Variants in PIEZO2 observed in about 807,000 individuals in gnomAD.
PIEZO2 encodes piezo type mechanosensitive ion channel component 2, also known as piezo-type mechanosensitive ion channel component 2.
PIEZO2 carries 172 observed loss-of-function variants against 337.3 expected under a neutral mutation model. The observed-to-expected ratio is 0.51, with a 90% CI of 0.45 to 0.58. The LOEUF is 0.58. Among genes scored for constraint, PIEZO2 ranks in the 20% least tolerant of loss-of-function variants. The probability of loss-of-function intolerance (pLI) is 0.00; values close to 1 mark genes in which losing one functional copy is unlikely to be tolerated. For missense variants in PIEZO2, 3,028 were observed against 3,391.3 expected, an observed-to-expected ratio of 0.89 and a Z score of 2.66; for synonymous variants, 1,251 against 1,228.5, an observed-to-expected ratio of 1.02 and a Z score of -0.38.
intron 7 of PIEZO2, among the ~76,000 whole-genome samples, chr18:10,852,754 A>G (rs1407752665): frequency 6.6e-6 from 1 of 152,206 alleles, no homozygotes; most frequent in Non-Finnish European, 1.5e-5. Flanking sequence ...CACAGCAGAG[A>G]GAATTCTGGC....
Position 11,080,969 on chromosome 18 carries a change from T to C in PIEZO2, c.65-14747A>G, listed in dbSNP as rs546569400. 6.6e-6 allele frequency among the ~76,000 whole-genome samples: 1 copy of C among 152,350 alleles called. No individual in the cohort carries two copies. The highest frequency in any genetic ancestry group is 1.9e-4 in the East Asian group (1 of 5,184). On this transcript the variant is annotated intron_variant, in intron 1 of 55. Coordinates refer to ENST00000674853, the MANE Select transcript of PIEZO2 (RefSeq NM_001378183.1). This position sits in a 1 kb window ranked among gnomAD's most constrained non-coding sequence, Gnocchi z 5.4. ...ATTGGTTATTCTGCAACATACCATC[T>C]GGCTAACATAATGACATGGCTACAA...
At chr18:10,892,869 A>G (rs2042796005) in intron 4 of PIEZO2, among the ~76,000 whole-genome samples, 1 of 152,266 alleles carries the variant, frequency 6.6e-6, no homozygotes, top group African/African-American at 2.4e-5. Context: ...GTAAATATGT[A>G]GCTGTTGAAA....
Position 10,746,212 on chromosome 18 carries a change from T to C in PIEZO2, c.4425-1981A>G, listed in dbSNP as rs1481850656. On this transcript the variant is annotated intron_variant, in intron 30 of 55. Transcript: ENST00000674853. This position sits in a 1 kb window ranked among gnomAD's most constrained non-coding sequence, Gnocchi z 4.2. The stretch of plus-strand genomic sequence containing the variant: ...CTGAAATGCAAACACGTCATATTAC[T>C]TGCTTGTTTAAACACTGCAAGGCCT... 4.6e-5 allele frequency among the ~76,000 whole-genome samples: 7 copies of C among 152,214 alleles called. No individual in the cohort carries two copies. The highest frequency in any genetic ancestry group is 7.3e-5 in the Non-Finnish European group (5 of 68,046).
chr18:10,968,195 T>TCAAACAGG (rs753270707), intron 3 of PIEZO2, among the ~76,000 whole-genome samples: 11 of 152,210 alleles, frequency 7.2e-5, no homozygotes, highest in Non-Finnish European at 1.6e-4. Flanking sequence ...GCACCATTTG[T>TCAAACAGG]CAAACAGGGT....
rs1338062342 is a variant in PIEZO2, at chr18:11,001,703, C to A, written c.161-22043G>T. ...GACCAACCTGGCTAACATGGTAAAA[C>A]CCTGTCTCTGCTAAAAATACAAAAA... On this transcript the variant is annotated intron_variant, in intron 2 of 55. Coordinates refer to ENST00000674853, the MANE Select transcript of PIEZO2 (RefSeq NM_001378183.1). This position sits in a 1 kb window ranked among gnomAD's most constrained non-coding sequence, Gnocchi z 5.3. Among the ~76,000 whole-genome samples the A allele has an allele frequency of 1.3e-5, 2 of 151,892 alleles. No individual in the cohort carries two copies. The highest frequency in any genetic ancestry group is 4.8e-5 in the African/African-American group (2 of 41,340).
intron 1 of PIEZO2, among the ~76,000 whole-genome samples, chr18:11,085,329 C>T (rs540025335): frequency 6.6e-5 from 10 of 152,246 alleles, no homozygotes; most frequent in South Asian, 2.1e-4. Flanking sequence ...CCATCTCTCA[C>T]GCATCAGGCC....
Position 10,857,154 on chromosome 18 carries a change from C to T in PIEZO2, c.550G>A (p.Gly184Arg). Residue 184 changes from glycine to arginine, a missense_variant, in exon 6 of 56, where the codon GGA (glycine) becomes AGA (arginine). By Grantham distance (125) the Gly-to-Arg change is moderately radical. Transcript: ENST00000674853. ...EALIYEEDFN[G>R]GDGVEGELEE... ...AACTCGCCTTCAACACCATCTCCTC[C>T]ATTGAAATCCTCTTCATAGATCAGT... 1 of 1,537,892 alleles carries T rather than the reference C, an allele frequency of 6.5e-7. No individual in the cohort carries two copies. The highest frequency in any genetic ancestry group is 8.7e-7 in the Non-Finnish European group (1 of 1,147,056).
At chr18:11,007,119 T>G (rs1252320426) in intron 2 of PIEZO2, among the ~76,000 whole-genome samples, 1 of 152,214 alleles carries the variant, frequency 6.6e-6, no homozygotes, top group Non-Finnish European at 1.5e-5. Context: ...ACACTAGATT[T>G]TATTCCTTCT....
At chr18:10,893,403 C>T (rs1312027289) in intron 4 of PIEZO2, among the ~76,000 whole-genome samples, 1 of 152,118 alleles carries the variant, frequency 6.6e-6, no homozygotes, top group African/African-American at 2.4e-5. Context: ...CACTGCTGTC[C>T]CTGTCCTTTG....
chr18:11,032,870 A>T lies in PIEZO2; in HGVS notation c.160+33257T>A, dbSNP rs1485203189. Among the ~76,000 whole-genome samples the T allele has an allele frequency of 6.6e-6, 1 of 152,198 alleles. No individual in the cohort carries two copies. Among genetic ancestry groups the T allele is most frequent in the Non-Finnish European group, 1.5e-5 (1 of 68,028 alleles). On this transcript the variant is annotated intron_variant, in intron 2 of 55. Coordinates refer to ENST00000674853, the MANE Select transcript of PIEZO2 (RefSeq NM_001378183.1). The surrounding 1 kb of genome is among the most constrained non-coding windows in gnomAD (Gnocchi z 4.9). ...CCCACCCTAAGCATGTAACAGGCCT[A>T]ATGAATGGAGTATCTGAGTAGCTCA... is the stretch of plus-strand genomic sequence containing the variant.
In PIEZO2 at chr18:10,759,425, T is replaced by C. The variant is rs1014766423; in HGVS notation, c.3757+57A>G. The C allele has an allele frequency of 1.1e-5, 15 of 1,409,780 alleles. No individual in the cohort carries two copies. In the African/African-American group the frequency reaches 1.8e-4, roughly 17 times the overall value. 87.3% of individuals were successfully genotyped at this position (1,409,780 alleles called of 1,614,324 possible). On this transcript the variant is annotated intron_variant, in intron 26 of 55. Coordinates refer to ENST00000674853, the MANE Select transcript of PIEZO2 (RefSeq NM_001378183.1). The surrounding 1 kb of genome is among the most constrained non-coding windows in gnomAD (Gnocchi z 5.5). ...GCACTAATGCATAGCACGTGAACAATGATTAACAGTAAACCCGGATACCAG... is the reference window on the plus strand; with the variant it reads ...GCACTAATGCATAGCACGTGAACAACGATTAACAGTAAACCCGGATACCAG...
At chr18:10,946,869 C>T (rs758532733) in intron 3 of PIEZO2, among the ~76,000 whole-genome samples, 24 of 152,026 alleles carry the variant, frequency 1.6e-4, no homozygotes, top group Admixed American at 1.3e-4. Context: ...AAGAAAAGGG[C>T]ACTAACAGAC....
intron 4 of PIEZO2, among the ~76,000 whole-genome samples, chr18:10,897,578 C>A (rs1056609367): frequency 6.6e-6 from 1 of 152,198 alleles, no homozygotes; most frequent in Non-Finnish European, 1.5e-5. Context: ...CTTTCACCTT[C>A]TGCCATGAGT....
intron 35 of PIEZO2, among the ~76,000 whole-genome samples, chr18:10,733,824 C>T (rs1294204962): frequency 6.6e-6 from 1 of 152,178 alleles, no homozygotes; most frequent in Non-Finnish European, 1.5e-5. Context: ...CAGACACAAG[C>T]TCCATGAACC....
chr18:10,990,857 T>G (rs1045610584), intron 2 of PIEZO2, among the ~76,000 whole-genome samples: 1 of 151,976 alleles, frequency 6.6e-6, no homozygotes, highest in African/African-American at 2.4e-5. Flanking sequence ...AAATTACACC[T>G]GGTCTTGGTG....
Position 10,682,054 on chromosome 18 carries a change from A to G in PIEZO2, c.7686+50T>C. On this transcript the variant is annotated intron_variant, in intron 50 of 55. Transcript: ENST00000674853. This position sits in a 1 kb window ranked among gnomAD's most constrained non-coding sequence, Gnocchi z 5.6. The stretch of plus-strand genomic sequence containing the variant: ...ACCCTACAGACAGCTATCATAAAGG[A>G]ATGTGGCGTGGGGCAAGGCTCTGGT... The G allele has an allele frequency of 6.8e-7, 1 of 1,472,302 alleles. No individual in the cohort carries two copies. The allele number at this position is 1,472,302 out of a possible 1,614,324, so 91.2% of individuals were successfully genotyped here.
chr18:10,794,898 A>T lies in PIEZO2; in HGVS notation c.1632T>A (p.Ser544=), dbSNP rs934375105. The change falls in exon 13 of 56, where the codon TCT becomes TCA. Residue 544 remains serine (S), a synonymous_variant. Coordinates refer to ENST00000674853, the MANE Select transcript of PIEZO2 (RefSeq NM_001378183.1). The surrounding 1 kb of genome is among the most constrained non-coding windows in gnomAD (Gnocchi z 6.6). ...GGTTTCCATAAACCACCATGAAGGG[A>T]GAGCTGATCATGGCATATTTTCTTC... ...RNRRKYAMIS[S]PFMVVYGNLL... is the part of the protein sequence containing the mutation. 1 of 1,540,404 alleles carries T rather than the reference A, an allele frequency of 6.5e-7. No individual in the cohort carries two copies. The highest frequency in any genetic ancestry group is 8.7e-7 in the Non-Finnish European group (1 of 1,146,822).
rs140187900 is a variant in PIEZO2 at position 10,884,965 on chromosome 18, G to A, written c.330-13550C>T. Among the ~76,000 whole-genome samples, 283 of 152,104 alleles carry A rather than the reference G, an allele frequency of 1.9e-3. 3 individuals carry two copies. Among genetic ancestry groups the A allele is most frequent in the Non-Finnish European group, 2.9e-3 (200 of 67,998 alleles). ...TTTATTTCCACAAATATGTGTGAGC[G>A]TCTATCATATCATAGACATTTTGCC... On this transcript the variant is annotated intron_variant, in intron 4 of 55. Coordinates refer to ENST00000674853, the MANE Select transcript of PIEZO2 (RefSeq NM_001378183.1).
intron 4 of PIEZO2, among the ~76,000 whole-genome samples, chr18:10,902,448 G>A (rs1410420515): frequency 6.6e-6 from 1 of 152,108 alleles, no homozygotes; most frequent in Non-Finnish European, 1.5e-5. Flanking sequence ...ACTGAGATAA[G>A]CTGACAGTGT....
Sources: allele counts gnomAD v4.1 joint callset (sites outside exome capture counted in the v4.1 genomes callset), GRCh38; gene constraint gnomAD v4.1.1; non-coding constraint Gnocchi (gnomAD v3.1); transcripts MANE v1.5; gene names NCBI Gene and HGNC (gene_info 2026-07-23, HGNC 2026-07-21).